COL17A1: variants seen among roughly 807,000 people sequenced by gnomAD.
COL17A1 encodes the protein collagen alpha-1(XVII) chain.
A neutral mutation model predicts 218.4 loss-of-function variants in COL17A1; 181 were observed. The ratio of observed to expected loss-of-function variants is 0.83; its 90% CI spans 0.73 to 0.94. The LOEUF is 0.94. COL17A1 is among the 40% of genes least tolerant of loss of function. The pLI, the probability that COL17A1 is intolerant of heterozygous loss-of-function variation, is 0.00. For synonymous variants in COL17A1, 721 were observed against 731.0 expected (o/e 0.99, Z 0.22); for missense variants, 1,924 against 1,945.9 (o/e 0.99, Z 0.21).
In COL17A1 at chr10:104,058,239, C is replaced by A. The variant is rs772963636; in HGVS notation, c.1223-49G>T. 6 of 1,612,952 alleles carry A rather than the reference C, an allele frequency of 3.7e-6. No homozygotes were observed. In the South Asian group the frequency reaches 4.4e-5, roughly 12 times the overall value. On this transcript the variant is annotated intron_variant, in intron 15 of 55. Transcript: ENST00000648076. The stretch of plus-strand genomic sequence containing the variant: ...TGAGCTTTTAAACTGGAGGAGCTAG[C>A]TGCTCTGCCTATGGAGTAGCCATTT...
rs2086610247 is a variant in COL17A1, at chr10:104,064,529, C to T, written c.675G>A (p.Leu225=). The change falls in exon 10 of 56, where the codon CTG becomes CTA. Residue 225 remains leucine (L), a synonymous_variant. Coordinates refer to ENST00000648076, the MANE Select transcript of COL17A1 (RefSeq NM_000494.4). ...NLPSHVWSST[L]PAGSSMGTYH... is the part of the protein sequence containing the mutation. ...AGGTCCCCATGGAGGACCCCGCGGG[C>T]AGGGTGGAGGACCACACATGGGAGG... 1 of 1,613,942 alleles carries T rather than the reference C, an allele frequency of 6.2e-7. No individual in the cohort carries two copies. The highest frequency in any genetic ancestry group is 8.5e-7 in the Non-Finnish European group (1 of 1,180,010).
chr10:104,050,723 T>C, intron 26 of COL17A1, 67 bp from the exon 27 acceptor site: 1 of 1,614,200 alleles, frequency 6.2e-7, no homozygotes, highest in Non-Finnish European at 8.5e-7. Context: ...GGGCAATGTC[T>C]GTCTCTGAAG....
chr10:104,047,844 C>A (rs763755359), intron 30 of COL17A1, 34 bp from the exon 31 acceptor site: 2 of 1,580,182 alleles, frequency 1.3e-6, no homozygotes, highest in African/African-American at 1.3e-5. Flanking sequence ...GAAGTGTTTA[C>A]ATTTAGGAAA....
chr10:104,060,327 A>C, intron 13 of COL17A1, 47 bp from the exon 14 acceptor site: 1 of 1,610,430 alleles, frequency 6.2e-7, no homozygotes, highest in South Asian at 1.1e-5. Flanking sequence ...GTGCCAGGAG[A>C]AGGGAGAGGG....
chr10:104,039,692 A>G (rs1356537347), intron 41 of COL17A1, 52 bp from the exon 42 acceptor site: 2 of 1,613,320 alleles, frequency 1.2e-6, no homozygotes, highest in Non-Finnish European at 1.7e-6. Flanking sequence ...CTCACCCACT[A>G]ACAGCCCTGT....
chr10:104,055,929 C>T lies in COL17A1; in HGVS notation c.1540G>A (p.Asp514Asn). The change falls in exon 18 of 56, where the codon GAC becomes AAC. Residue 514 changes from aspartate (D) to asparagine (N), a missense_variant. Asp to Asn is a conservative substitution (Grantham distance 23, BLOSUM62 1). Coordinates refer to ENST00000648076, the MANE Select transcript of COL17A1 (RefSeq NM_000494.4). Reference protein sequence around the residue: ...RIRRSILPYGDSMDRIEKDRL... With the variant: ...RIRRSILPYGNSMDRIEKDRL... ...TCCTTTTCTATTCTATCCATGCTGT[C>T]CCCATAGGGCAGTATGCTCCTCCTG... 2 of 1,614,184 alleles carry T rather than the reference C, an allele frequency of 1.2e-6. No individual in the cohort carries two copies. Among genetic ancestry groups the T allele is most frequent in the East Asian group, 2.2e-5 (1 of 44,874 alleles).
chr10:104,042,752 G>A (rs2086372847), intron 35 of COL17A1, among the ~76,000 whole-genome samples: 1 of 152,228 alleles, frequency 6.6e-6, no homozygotes, highest in Admixed American at 6.5e-5. Context: ...AGGAGGGAAG[G>A]CTGGTACATT....
rs2086303666 is a variant in COL17A1 at position 104,036,734 on chromosome 10, G to A, written c.3278-102C>T. The A allele has an allele frequency of 1.4e-5, 19 of 1,397,960 alleles. No individual in the cohort carries two copies. In the South Asian group the frequency reaches 1.5e-4, roughly 11 times the overall value. The allele number at this position is 1,397,960 out of a possible 1,614,324, so 86.6% of individuals were successfully genotyped here. A position where few individuals can be genotyped will look rare whatever the true frequency, so the allele number is the denominator to read the frequency against. On this transcript the variant is annotated intron_variant, in intron 47 of 55. Coordinates refer to ENST00000648076, the MANE Select transcript of COL17A1 (RefSeq NM_000494.4). Reference sequence around the variant, plus strand: ...CTCCCCTGCACAAACTGGCTCCTGCGTGACATTTGTGAGTTCTGGGTCCGC... The same window carrying A: ...CTCCCCTGCACAAACTGGCTCCTGCATGACATTTGTGAGTTCTGGGTCCGC...
chr10:104,049,355 G>A (rs904209330), intron 29 of COL17A1, 54 bp downstream of exon 29: 14 of 1,536,652 alleles, frequency 9.1e-6, no homozygotes, highest in East Asian at 4.5e-5. Flanking sequence ...CTCCAGGGTC[G>A]TGGTGACCCC....
rs1554846977 is a variant in COL17A1 at position 104,035,916 on chromosome 10, GTA to G, written c.3419-355_3419-354del. 2.2e-3 allele frequency among the ~76,000 whole-genome samples: 89 copies of G among 41,230 alleles called. 1 individual carries two copies. The highest frequency in any genetic ancestry group is 9.3e-4 in the Non-Finnish European group (12 of 12,838). The allele number at this position is 41,230 out of a possible 152,430, so 27.0% of individuals were successfully genotyped here. ...TATGGGAGCGTGTGTATGGGAGTGTGTATGAGTGTGTGTGTATGGGAGTGTAT... is the reference window on the plus strand; with the variant it reads ...TATGGGAGCGTGTGTATGGGAGTGTGTGAGTGTGTGTGTATGGGAGTGTAT... On this transcript the variant is annotated intron_variant, in intron 48 of 55. Coordinates refer to ENST00000648076, the MANE Select transcript of COL17A1 (RefSeq NM_000494.4).
At position 104,047,769 on chromosome 10, in the gene COL17A1, G is replaced by C. The variant is rs1312531517; in HGVS notation, c.2305C>G (p.Pro769Ala). The C allele has an allele frequency of 5.6e-6, 9 of 1,614,208 alleles. No homozygotes were observed. Among genetic ancestry groups the C allele is most frequent in the Non-Finnish European group, 7.6e-6 (9 of 1,180,038 alleles). ...LTGMPGIRGP[P>A]GPSGDPGKPG... ...TTTCCTGGGTCTCCAGAAGGTCCTGGTGGGCCACGGATTCCAGGCATCCCA... is the reference window on the plus strand; with the variant it reads ...TTTCCTGGGTCTCCAGAAGGTCCTGCTGGGCCACGGATTCCAGGCATCCCA... The change falls in exon 31 of 56, where the codon CCA (proline) becomes GCA (alanine). Residue 769 changes from proline to alanine, a missense_variant. By Grantham distance (27) the Pro-to-Ala change is conservative. Transcript: ENST00000648076.
chr10:104,047,872 A>T (rs2086428192), intron 30 of COL17A1, 62 bp from the exon 31 acceptor site: 1 of 1,471,554 alleles, frequency 6.8e-7, no homozygotes. Context: ...TGGTTATCAC[A>T]TCTGAACTGA....
chr10:104,065,687 A>T (rs189162663), intron 9 of COL17A1, among the ~76,000 whole-genome samples: 76 of 152,304 alleles, frequency 5.0e-4, no homozygotes, highest in African/African-American at 1.7e-3. Context: ...GAGAATCTCT[A>T]GGATTTAGGG....
chr10:104,039,627 G>A lies in COL17A1; in HGVS notation c.2802C>T (p.Leu934=). 6.2e-7 allele frequency: 1 copy of A among 1,614,130 alleles called. No individual in the cohort carries two copies. The highest frequency in any genetic ancestry group is 8.5e-7 in the Non-Finnish European group (1 of 1,180,020). The change falls in exon 42 of 56, where the codon CTC becomes CTT. Residue 934 remains leucine (L), a synonymous_variant. Transcript: ENST00000648076. ...CCTTACCTGAGGTTGAGAAACCTGG[G>A]AGGCCTTGCTCGCCTGAGGAACACA... ...GPRGHQGEQG[L]PGFSTSGSSS...
At position 104,064,783 on chromosome 10, in the gene COL17A1, A is replaced by G. The variant is rs564421512; in HGVS notation, c.608-187T>C. ...AAATCTCAGAGCTGGTGAAATCATT[A>G]TCTCTTGGATTAGAAATTTTTGCTG... On this transcript the variant is annotated intron_variant, in intron 9 of 55. Transcript: ENST00000648076. Among the ~76,000 whole-genome samples, 5 of 152,296 alleles carry G rather than the reference A, an allele frequency of 3.3e-5. No individual in the cohort carries two copies. The East Asian group carries it at 9.6e-4, about 29-fold the overall frequency.
At chr10:104,048,048 G>T (rs748517561) in intron 30 of COL17A1, 21 bp downstream of exon 30, 8 of 1,614,108 alleles carry the variant, frequency 5.0e-6, no homozygotes, top group Non-Finnish European at 5.9e-6. Context: ...TGAGGCTGGG[G>T]GCAGCAGATG....
chr10:104,067,839 A>T (rs1311484030), intron 9 of COL17A1, among the ~76,000 whole-genome samples: 14 of 152,066 alleles, frequency 9.2e-5, no homozygotes, highest in Non-Finnish European at 2.1e-4. Context: ...AGAGACAGAG[A>T]GATTAAAAAA....
At chr10:104,062,390 G>A in intron 11 of COL17A1, 61 bp from the exon 12 acceptor site, 1 of 1,612,072 alleles carries the variant, frequency 6.2e-7, no homozygotes, top group Non-Finnish European at 8.5e-7. Flanking sequence ...CCTGGCTTAG[G>A]ACGGCCCCCA....
chr10:104,077,569 G>T, intron 3 of COL17A1, 43 bp from the exon 4 acceptor site: 1 of 1,520,450 alleles, frequency 6.6e-7, no homozygotes. Flanking sequence ...GGTGGAGTCA[G>T]GCCAGAGGAT....
Sources: gnomAD v4.1 joint callset for allele counts (sites outside exome capture counted in the v4.1 genomes callset) on GRCh38, gnomAD v4.1.1 for gene constraint, MANE v1.5 for transcripts, NCBI Gene and HGNC (gene_info 2026-07-23, HGNC 2026-07-21) for gene names.